Variants in MAGI1 observed in about 807,000 individuals in gnomAD.
MAGI1 encodes the protein membrane-associated guanylate kinase, WW and PDZ domain-containing protein 1.
In MAGI1, 58 loss-of-function variants were observed where a neutral mutation model predicts 139.9. The observed-to-expected ratio is 0.41, with a 90% CI of 0.34 to 0.52. MAGI1 has a LOEUF of 0.52. MAGI1 is among the 20% of genes least tolerant of loss of function. MAGI1 has a pLI of 0.12. For missense variants in MAGI1, 1,874 were observed against 1,901.6 expected (o/e 0.99, Z 0.27); for synonymous variants, 812 against 737.9 (o/e 1.10, Z -1.63).
chr3:65,373,293 T>C (rs1283966972), intron 18 of MAGI1, among the ~76,000 whole-genome samples: 3 of 152,192 alleles, frequency 2.0e-5, no homozygotes, highest in African/African-American at 7.2e-5. Flanking sequence ...AGATGGGGAA[T>C]GGCCAGTCAG....
intron 1 of MAGI1, among the ~76,000 whole-genome samples, chr3:65,865,193 T>G (rs2059679902): frequency 6.6e-6 from 1 of 152,166 alleles, no homozygotes; most frequent in South Asian, 2.1e-4. Context: ...AAACTCACAT[T>G]CTCTGCCCTT....
chr3:65,523,123 A>T (rs2078235730), intron 2 of MAGI1, among the ~76,000 whole-genome samples: 1 of 152,208 alleles, frequency 6.6e-6, no homozygotes. Flanking sequence ...CTAAGCACAC[A>T]TATTATGTTT....
At chr3:65,862,106 T>C (rs9818898) in intron 1 of MAGI1, among the ~76,000 whole-genome samples, 11 of 152,220 alleles carry the variant, frequency 7.2e-5, no homozygotes, top group African/African-American at 2.7e-4. Flanking sequence ...ATGGTTCTTT[T>C]GTTTACCTTC....
intron 1 of MAGI1, among the ~76,000 whole-genome samples, chr3:65,756,733 G>C (rs974581473): frequency 2.0e-5 from 3 of 152,130 alleles, no homozygotes; most frequent in African/African-American, 7.2e-5. Flanking sequence ...ATATTCGGAA[G>C]TCATCAGGAG....
intron 1 of MAGI1, among the ~76,000 whole-genome samples, chr3:65,990,049 T>G (rs949052159): frequency 3.9e-5 from 6 of 151,974 alleles, no homozygotes; most frequent in Non-Finnish European, 8.8e-5. Flanking sequence ...ATGACTAAAG[T>G]CTAGAGATCT....
chr3:65,888,663 T>A (rs988818833), intron 1 of MAGI1, among the ~76,000 whole-genome samples: 4 of 152,108 alleles, frequency 2.6e-5, no homozygotes, highest in Non-Finnish European at 4.4e-5. Context: ...TAAGAATCTT[T>A]AAGATTTTTT....
chr3:65,707,133 C>A (rs1655220422), intron 1 of MAGI1, among the ~76,000 whole-genome samples: 1 of 152,178 alleles, frequency 6.6e-6, no homozygotes. Context: ...AACTTCTATT[C>A]CCAAAGTCTG....
chr3:65,972,166 G>C (rs1257369248), intron 1 of MAGI1, among the ~76,000 whole-genome samples: 1 of 152,162 alleles, frequency 6.6e-6, no homozygotes, highest in Non-Finnish European at 1.5e-5. Flanking sequence ...AACTGACAGG[G>C]ACAGAAGACA....
At chr3:65,358,141 C>A (rs537722594) in intron 22 of MAGI1, among the ~76,000 whole-genome samples, 49 of 152,222 alleles carry the variant, frequency 3.2e-4, no homozygotes, top group African/African-American at 1.2e-3. Context: ...AGCAGGGCAG[C>A]CCATAATGGC....
chr3:65,863,035 GC>G (rs1395399085), intron 1 of MAGI1, among the ~76,000 whole-genome samples: 1 of 152,150 alleles, frequency 6.6e-6, no homozygotes, highest in African/African-American at 2.4e-5. Flanking sequence ...TCACCATGAA[GC>G]CAGTAATGTA....
At chr3:65,994,467 G>A (rs558169608) in intron 1 of MAGI1, among the ~76,000 whole-genome samples, 5 of 152,166 alleles carry the variant, frequency 3.3e-5, no homozygotes, top group South Asian at 2.1e-4. Context: ...CAACCCAGTC[G>A]GTCCACCCTG....
chr3:65,489,552 T>A (rs1951854749), intron 3 of MAGI1, among the ~76,000 whole-genome samples: 1 of 152,044 alleles, frequency 6.6e-6, no homozygotes, highest in South Asian at 2.1e-4. Flanking sequence ...AGGGGGCTGG[T>A]TAAATAAGTT....
chr3:66,019,491 A>T (rs2067850851), intron 1 of MAGI1, among the ~76,000 whole-genome samples: 1 of 152,256 alleles, frequency 6.6e-6, no homozygotes, highest in African/African-American at 2.4e-5. Context: ...AGGCTCTGCA[A>T]TTAGAACCAG....
At chr3:65,622,172 G>T in intron 1 of MAGI1, 84 bp from the exon 2 acceptor site, 1 of 947,236 alleles carries the variant, frequency 1.1e-6, no homozygotes, top group Non-Finnish European at 1.7e-6. Flanking sequence ...TTGCAAGAAA[G>T]CCACAGGATG....
chr3:65,391,338 G>A lies in MAGI1; in HGVS notation c.2220C>T (p.Asp740=). Residue 740 remains aspartate (D), a synonymous_variant, in exon 14 of 23, where the codon GAC becomes GAT. Coordinates refer to ENST00000402939, the MANE Select transcript of MAGI1 (RefSeq NM_001033057.2). Reference sequence around the variant, plus strand: ...CACTGTGCTGAGAACTATTCTGGCTGTCTTTCCTTTCCAGTGGTTGCTGAA... The same window carrying A: ...CACTGTGCTGAGAACTATTCTGGCTATCTTTCCTTTCCAGTGGTTGCTGAA... ...SPKSQPLERK[D]SQNSSQHSVS... 2 of 1,614,184 alleles carry A rather than the reference G, an allele frequency of 1.2e-6. No homozygotes were observed. The highest frequency in any genetic ancestry group is 8.5e-7 in the Non-Finnish European group (1 of 1,180,002).
At chr3:65,979,088 T>TCCCCAC (rs2065419889) in intron 1 of MAGI1, among the ~76,000 whole-genome samples, 1 of 52,970 alleles carries the variant, frequency 1.9e-5, no homozygotes, top group Non-Finnish European at 3.6e-5. Flanking sequence ...TTTCTTTTCT[T>TCCCCAC]CCCCCCCCCC....
intron 1 of MAGI1, among the ~76,000 whole-genome samples, chr3:65,867,028 T>C (rs1010682555): frequency 2.0e-5 from 3 of 152,214 alleles, no homozygotes; most frequent in African/African-American, 7.2e-5. Flanking sequence ...GAAATCTCTC[T>C]ATTTTTCAAG....
rs919440819 is a variant in MAGI1 at position 65,353,629 on chromosome 3, C to G, written c.*2749G>C. On this transcript the variant is annotated 3_prime_UTR_variant, in exon 23 of 23. Transcript: ENST00000402939. The stretch of plus-strand genomic sequence containing the variant: ...AAATACAATTAGGGTGTTGAGTCCT[C>G]CCCCCCAACATTCTTTCAGGCATCA... The G allele has an allele frequency of 3.9e-5, 6 of 152,026 alleles. No individual in the cohort carries two copies. Among genetic ancestry groups the G allele is most frequent in the Non-Finnish European group, 7.4e-5 (5 of 67,994 alleles). The allele number at this position is 152,026 out of a possible 1,614,324, so 9.4% of individuals were successfully genotyped here. A position where few individuals can be genotyped will look rare whatever the true frequency, so the allele number is the denominator to read the frequency against.
chr3:65,383,501 T>C (rs770847740), intron 15 of MAGI1, 31 bp downstream of exon 15: 3 of 1,541,818 alleles, frequency 1.9e-6, no homozygotes, highest in South Asian at 1.1e-5. Context: ...TAGAAAAATA[T>C]GCTGGGAAGA....
Sources: gnomAD v4.1 joint callset for allele counts (sites outside exome capture counted in the v4.1 genomes callset) on GRCh38, gnomAD v4.1.1 for gene constraint, MANE v1.5 for transcripts, NCBI Gene and HGNC (gene_info 2026-07-23, HGNC 2026-07-21) for gene names.